GALNT18: variants seen among roughly 807,000 people sequenced by gnomAD.
The protein encoded by GALNT18 is GalNAc-transferase 18.
A neutral mutation model predicts 69.5 loss-of-function variants in GALNT18; 44 were observed. That is an observed-to-expected ratio of 0.63 (90% CI 0.50 to 0.81). The LOEUF (loss-of-function observed/expected upper bound fraction) is 0.81. GALNT18 is among the 40% of genes least tolerant of loss of function. The pLI is 0.00. For synonymous variants in GALNT18, 364 were observed against 318.2 expected (o/e 1.14, Z -1.53); for missense variants, 715 against 810.0 (o/e 0.88, Z 1.42).
intron 6 of GALNT18, among the ~76,000 whole-genome samples, chr11:11,351,066 G>A (rs1240713002): frequency 6.6e-6 from 1 of 152,176 alleles, no homozygotes; most frequent in Non-Finnish European, 1.5e-5. Context: ...ATATGAGAAA[G>A]CTCCAGGTAT....
intron 1 of GALNT18, among the ~76,000 whole-genome samples, chr11:11,560,954 G>T (rs1858490601): frequency 1.3e-5 from 2 of 152,138 alleles, no homozygotes; most frequent in African/African-American, 2.4e-5. Context: ...TCCTGCAGAG[G>T]CCCCTTGGTT....
chr11:11,320,001 T>C lies in GALNT18; in HGVS notation c.1512+7085A>G, dbSNP rs888180070. 2.0e-5 allele frequency among the ~76,000 whole-genome samples: 3 copies of C among 152,108 alleles called. No homozygotes were observed. Among genetic ancestry groups the C allele is most frequent in the Non-Finnish European group, 2.9e-5 (2 of 68,020 alleles). ...AACAACTCCACAAAGTTAGTACTAC[T>C]ATATTCTCTCTTATGCTGCTACAAG... On this transcript the variant is annotated intron_variant, in intron 9 of 10. Coordinates refer to ENST00000227756, the MANE Select transcript of GALNT18 (RefSeq NM_198516.3). The surrounding 1 kb of genome is among the most constrained non-coding windows in gnomAD (Gnocchi z 4.9).
intron 10 of GALNT18, among the ~76,000 whole-genome samples, chr11:11,285,823 GAAATGTGCTCTGC>G (rs1337158820): frequency 6.6e-6 from 1 of 152,188 alleles, no homozygotes; most frequent in Non-Finnish European, 1.5e-5. Flanking sequence ...TGTTCCCTGG[GAAATGTGCTCTGC>G]AAATAGATTC....
intron 3 of GALNT18, among the ~76,000 whole-genome samples, chr11:11,422,778 AG>A (rs987182628): frequency 4.6e-5 from 7 of 152,062 alleles, no homozygotes; most frequent in African/African-American, 1.7e-4. Flanking sequence ...GGGGTTCTGC[AG>A]GGGGTGGGGA....
At position 11,392,658 on chromosome 11, in the gene GALNT18, C is replaced by T. The variant is rs1057310911; in HGVS notation, c.596-13394G>A. ...AAAAAAAGTCACTGTTTATGTGGAA[C>T]CTTCTTTCTGAAGTTTTTAGCACTT... On this transcript the variant is annotated intron_variant, in intron 3 of 10. Transcript: ENST00000227756. Among the ~76,000 whole-genome samples, 4 of 152,128 alleles carry T rather than the reference C, an allele frequency of 2.6e-5. 1 individual carries two copies. Among genetic ancestry groups the T allele is most frequent in the Admixed American group, 2.6e-4 (4 of 15,268 alleles).
intron 1 of GALNT18, among the ~76,000 whole-genome samples, chr11:11,610,608 T>C (rs1859872842): frequency 6.6e-6 from 1 of 152,242 alleles, no homozygotes; most frequent in South Asian, 2.1e-4. Flanking sequence ...CTTCTTCTAA[T>C]ATAAATCCCC....
In GALNT18 at chr11:11,328,220, T is replaced by A. The variant is rs190960865; in HGVS notation, c.1417-1039A>T. 8.5e-3 allele frequency among the ~76,000 whole-genome samples: 1,289 copies of A among 152,218 alleles called. 9 individuals carry two copies. Among genetic ancestry groups the A allele is most frequent in the South Asian group, 0.018 (85 of 4,818 alleles). On this transcript the variant is annotated intron_variant, in intron 8 of 10. Transcript: ENST00000227756. Reference sequence around the variant, plus strand: ...GGCTTCAGTGGCTTCCCTGCTGGAGTACCCATGTCCAGCTGCATTTCACTT... The same window carrying A: ...GGCTTCAGTGGCTTCCCTGCTGGAGAACCCATGTCCAGCTGCATTTCACTT...
rs181134927 is a variant in GALNT18, at chr11:11,283,357, G to T, written c.1677+9672C>A. ...AGATGGAGTTTTGCCATGTTGGCCA[G>T]GCTGGTCTCGAACTCCTGACCTCAG... is the stretch of plus-strand genomic sequence containing the variant. On this transcript the variant is annotated intron_variant, in intron 10 of 10. Transcript: ENST00000227756. Among the ~76,000 whole-genome samples, 232 of 152,238 alleles carry T rather than the reference G, an allele frequency of 1.5e-3. 4 individuals are homozygous for T. Among genetic ancestry groups the T allele is most frequent in the African/African-American group, 5.3e-3 (221 of 41,520 alleles).
At chr11:11,506,976 G>C (rs11603855) in intron 1 of GALNT18, among the ~76,000 whole-genome samples, 52,869 of 152,016 alleles carry the variant, frequency 0.35, 9,511 homozygotes, top group East Asian at 0.62. Context: ...ACCCTTCAGG[G>C]TCGCTCCCAA....
chr11:11,621,292 C>T lies in GALNT18; in HGVS notation c.235+67G>A. 1 of 1,341,778 alleles carries T rather than the reference C, an allele frequency of 7.5e-7. No homozygotes were observed. Among genetic ancestry groups the T allele is most frequent in the Non-Finnish European group, 1.0e-6 (1 of 954,254 alleles). 83.1% of individuals were successfully genotyped at this position (1,341,778 alleles called of 1,614,324 possible). A position where few individuals can be genotyped will look rare whatever the true frequency, so the allele number is the denominator to read the frequency against. Reference sequence around the variant, plus strand: ...CTGAGTTGATGCGCACCAGCCCCAGCGCACCCCGCGCCGCGCGGGGCACTC... The same window carrying T: ...CTGAGTTGATGCGCACCAGCCCCAGTGCACCCCGCGCCGCGCGGGGCACTC... On this transcript the variant is annotated intron_variant, in intron 1 of 10. Coordinates refer to ENST00000227756, the MANE Select transcript of GALNT18 (RefSeq NM_198516.3). The surrounding 1 kb of genome is among the most constrained non-coding windows in gnomAD (Gnocchi z 9.3).
chr11:11,344,257 GT>G (rs869216782), intron 6 of GALNT18, among the ~76,000 whole-genome samples: 1 of 14,454 alleles, frequency 6.9e-5, no homozygotes, highest in Non-Finnish European at 1.7e-3. Flanking sequence ...TCTCACATGG[GT>G]CTTTTTCCCC....
chr11:11,603,073 CA>C lies in GALNT18; in HGVS notation c.235+18285del, dbSNP rs1301019890. Among the ~76,000 whole-genome samples, 2 of 152,188 alleles carry C rather than the reference CA, an allele frequency of 1.3e-5. No individual in the cohort carries two copies. Among genetic ancestry groups the C allele is most frequent in the African/African-American group, 2.4e-5 (1 of 41,444 alleles). On this transcript the variant is annotated intron_variant, in intron 1 of 10. Coordinates refer to ENST00000227756, the MANE Select transcript of GALNT18 (RefSeq NM_198516.3). The surrounding 1 kb of genome is among the most constrained non-coding windows in gnomAD (Gnocchi z 4.5). ...AGTTCAAAGGGACTATTGGCTGGTA[CA>C]AAGTCTTCTTTGAAAGGAGGCAATT...
At chr11:11,529,605 A>G (rs1857594735) in intron 1 of GALNT18, among the ~76,000 whole-genome samples, 1 of 146,638 alleles carries the variant, frequency 6.8e-6, no homozygotes, top group Non-Finnish European at 1.5e-5. Context: ...AGTGTAAGCC[A>G]ATTCTTTATA....
rs1210422644 is a variant in GALNT18 at position 11,583,623 on chromosome 11, C to A, written c.235+37736G>T. 2.0e-5 allele frequency among the ~76,000 whole-genome samples: 3 copies of A among 152,120 alleles called. No homozygotes were observed. The East Asian group carries it at 5.8e-4, about 29-fold the overall frequency. On this transcript the variant is annotated intron_variant, in intron 1 of 10. Transcript: ENST00000227756. This position sits in a 1 kb window ranked among gnomAD's most constrained non-coding sequence, Gnocchi z 4.7. ...TCCCCAAATGTAGGACATCCAAAGACCAGAGGTCCCATGAGACGCCACTTC... is the reference window on the plus strand; with the variant it reads ...TCCCCAAATGTAGGACATCCAAAGAACAGAGGTCCCATGAGACGCCACTTC...
intron 3 of GALNT18, among the ~76,000 whole-genome samples, chr11:11,425,173 T>A (rs1006733208): frequency 6.6e-6 from 1 of 152,164 alleles, no homozygotes; most frequent in African/African-American, 2.4e-5. Context: ...CTTCTGCCCA[T>A]CTCTTGAGGC....
At chr11:11,278,326 G>C (rs12285678) in intron 10 of GALNT18, among the ~76,000 whole-genome samples, 7,975 of 149,104 alleles carry the variant, frequency 0.053, 279 homozygotes, top group Middle Eastern at 0.17. Flanking sequence ...AGAACACATG[G>C]ACACGGCAGG....
intron 1 of GALNT18, among the ~76,000 whole-genome samples, chr11:11,493,941 C>A (rs1272133990): frequency 1.3e-5 from 2 of 152,160 alleles, no homozygotes; most frequent in Non-Finnish European, 2.9e-5. Context: ...GCATAATGGT[C>A]CAGAACCTGG....
chr11:11,481,454 G>C (rs1856528602), intron 1 of GALNT18, among the ~76,000 whole-genome samples: 1 of 152,224 alleles, frequency 6.6e-6, no homozygotes. Flanking sequence ...TATGCAGCCA[G>C]CATGCTGGGA....
chr11:11,477,286 T>G (rs913892586), intron 1 of GALNT18, among the ~76,000 whole-genome samples: 5 of 152,216 alleles, frequency 3.3e-5, no homozygotes, highest in African/African-American at 1.2e-4. Flanking sequence ...TAAGCCACTA[T>G]GAGGGACCAA....
Sources: allele counts gnomAD v4.1 joint callset (sites outside exome capture counted in the v4.1 genomes callset), GRCh38; gene constraint gnomAD v4.1.1; non-coding constraint Gnocchi (gnomAD v3.1); transcripts MANE v1.5; gene names NCBI Gene and HGNC (gene_info 2026-07-23, HGNC 2026-07-21).